FRMPD4: variants seen among roughly 807,000 people sequenced by gnomAD.
FRMPD4 encodes the protein FERM and PDZ domain-containing protein 4.
In FRMPD4, 22 loss-of-function variants were observed where a neutral mutation model predicts 94.1. The ratio of observed to expected loss-of-function variants is 0.23; its 90% CI spans 0.17 to 0.33. FRMPD4 has a LOEUF of 0.33. Among genes scored for constraint, FRMPD4 ranks in the 10% least tolerant of loss-of-function variants. The pLI is 1.00. For missense variants in FRMPD4, 1,111 were observed against 1,339.9 expected (o/e 0.83, Z 2.67); for synonymous variants, 631 against 548.6 (o/e 1.15, Z -2.10).
chrX:12,582,991 C>G (rs774514942), intron 2 of FRMPD4, among the ~76,000 whole-genome samples: 1 of 112,246 alleles, frequency 8.9e-6, no homozygotes, highest in South Asian at 3.7e-4. Context: ...CCTGCCTTCC[C>G]TCTCCCACCA....
intron 3 of FRMPD4, among the ~76,000 whole-genome samples, chrX:11,899,591 A>G (rs1201904381): frequency 8.9e-6 from 1 of 111,818 alleles, no homozygotes; most frequent in Non-Finnish European, 1.9e-5. Context: ...TCATTTTTAT[A>G]AGGAGTTTTG....
intron 1 of FRMPD4, among the ~76,000 whole-genome samples, chrX:12,197,463 A>C (rs1205121628): frequency 1.8e-5 from 2 of 111,833 alleles, no homozygotes; most frequent in Non-Finnish European, 3.8e-5. Context: ...ATTTCTTAAT[A>C]GAAACTGGAA....
At chrX:12,110,524 C>T (rs1159622378) in intron 3 of FRMPD4, among the ~76,000 whole-genome samples, 1 of 111,547 alleles carries the variant, frequency 9.0e-6, no homozygotes, top group East Asian at 2.8e-4. Context: ...CAGGGATGCC[C>T]TCTCTCACCA....
chrX:11,839,631 G>GT (rs1009173929), intron 1 of FRMPD4, among the ~76,000 whole-genome samples: 6 of 111,390 alleles, frequency 5.4e-5, no homozygotes, highest in African/African-American at 9.7e-5. Flanking sequence ...GTCATGAAGA[G>GT]TTTTTTCTGT....
intron 3 of FRMPD4, among the ~76,000 whole-genome samples, chrX:11,976,593 T>C (rs1027871215): frequency 8.9e-6 from 1 of 112,558 alleles, no homozygotes; most frequent in Non-Finnish European, 1.9e-5. Context: ...AATGTGTTAA[T>C]TACAATTGTT....
chrX:12,644,075 T>A (rs2059525031), intron 4 of FRMPD4, among the ~76,000 whole-genome samples: 1 of 111,287 alleles, frequency 9.0e-6, no homozygotes. Flanking sequence ...TCTTTTTTTT[T>A]TCTTTTTTCT....
intron 2 of FRMPD4, among the ~76,000 whole-genome samples, chrX:12,590,074 G>T (rs2058967852): frequency 8.9e-6 from 1 of 112,363 alleles, no homozygotes; most frequent in African/African-American, 3.2e-5. Flanking sequence ...TTATTTATCT[G>T]CTTTAACTTT....
In FRMPD4 at chrX:12,633,966, TAGAC is replaced by T. The variant is rs534550706; in HGVS notation, c.422+19089_422+19092del. Among the ~76,000 whole-genome samples the T allele has an allele frequency of 2.3e-4, 26 of 112,732 alleles. No homozygotes were observed. In the South Asian group the frequency reaches 9.5e-3, roughly 41 times the overall value. ...CATTTCTTCTATGTGGTACATATGTTAGACAGAAAGGTACAAAAAATTTATAAAT... is the reference window on the plus strand; with the variant it reads ...CATTTCTTCTATGTGGTACATATGTTAGAAAGGTACAAAAAATTTATAAAT... On this transcript the variant is annotated intron_variant, in intron 4 of 16. Transcript: ENST00000675598.
At chrX:12,360,149 C>T (rs936302323) in intron 1 of FRMPD4, among the ~76,000 whole-genome samples, 1 of 112,525 alleles carries the variant, frequency 8.9e-6, no homozygotes, top group African/African-American at 3.2e-5. Flanking sequence ...CAGGTACATA[C>T]TGTACATACT....
intron 1 of FRMPD4, among the ~76,000 whole-genome samples, chrX:12,257,910 C>T (rs926143151): frequency 1.8e-5 from 2 of 109,652 alleles, no homozygotes; most frequent in Admixed American, 9.8e-5. Context: ...ACCTTCTTCG[C>T]GGTGTCGTGC....
At chrX:11,828,740 GT>G (rs58015542) in intron 1 of FRMPD4, among the ~76,000 whole-genome samples, 1 of 111,649 alleles carries the variant, frequency 9.0e-6, no homozygotes, top group Non-Finnish European at 1.9e-5. Context: ...CAAGGTCGCA[GT>G]TTTTTTTCAC....
intron 2 of FRMPD4, among the ~76,000 whole-genome samples, chrX:12,557,492 C>T (rs897962883): frequency 3.6e-5 from 4 of 112,292 alleles, no homozygotes; most frequent in African/African-American, 6.5e-5. Flanking sequence ...CTTGTATTTC[C>T]AGCTTTTCTG....
At chrX:12,260,086 GGCAC>G (rs1171497982) in intron 1 of FRMPD4, among the ~76,000 whole-genome samples, 2 of 110,545 alleles carry the variant, frequency 1.8e-5, no homozygotes, top group Non-Finnish European at 3.8e-5. Flanking sequence ...TCTTCTCTTT[GGCAC>G]ATCTTGGATT....
At chrX:11,967,540 C>A (rs1216953623) in intron 3 of FRMPD4, among the ~76,000 whole-genome samples, 2 of 111,722 alleles carry the variant, frequency 1.8e-5, no homozygotes, top group African/African-American at 3.3e-5. Flanking sequence ...TTGTAAATTT[C>A]TGGTGCCTTG....
chrX:12,683,333 A>T, intron 5 of FRMPD4, 150 bp from the exon 6 acceptor site: 2 of 393,331 alleles, frequency 5.1e-6, no homozygotes, highest in South Asian at 9.1e-5. Flanking sequence ...TTTTGACTGC[A>T]TCTATAATTT....
At chrX:12,677,223 C>T in intron 5 of FRMPD4, among the ~76,000 whole-genome samples, 2 of 110,905 alleles carry the variant, frequency 1.8e-5, no homozygotes, top group South Asian at 7.7e-4. Context: ...CCAAACATTA[C>T]CAAATGTCCC....
intron 2 of FRMPD4, among the ~76,000 whole-genome samples, chrX:12,569,852 T>C (rs1043865363): frequency 8.9e-6 from 1 of 112,035 alleles, no homozygotes; most frequent in Non-Finnish European, 1.9e-5. Context: ...GTACTTGGTA[T>C]AGCATTAGTG....
At chrX:11,875,723 A>G (rs1486526952) in intron 2 of FRMPD4, among the ~76,000 whole-genome samples, 2 of 110,358 alleles carry the variant, frequency 1.8e-5, no homozygotes, top group Non-Finnish European at 3.8e-5. Flanking sequence ...TTTGCGGCAC[A>G]CTCAATACCC....
chrX:12,683,488 C>T lies in FRMPD4; in HGVS notation c.474C>T (p.Pro158=), dbSNP rs147360584. 11 of 1,094,648 alleles carry T rather than the reference C, an allele frequency of 1.0e-5. No individual in the cohort carries two copies. The East Asian group carries it at 3.0e-4, about 30-fold the overall frequency. The allele number at this position is 1,094,648 out of a possible 1,213,427, so 90.2% of individuals were successfully genotyped here. The change falls in exon 6 of 17, where the codon CCC becomes CCT. Residue 158 remains proline, a synonymous_variant. Coordinates refer to ENST00000675598, the MANE Select transcript of FRMPD4 (RefSeq NM_001368397.1). The part of the protein sequence containing the change: ...LLTVIQPYPS[P]KSAFISAAKK... ...AATGTTTTCTTTTCTTCTAGTCTCC[C>T]AAATCAGCATTTATTAGTGCTGCAA...
Sources: allele counts gnomAD v4.1 joint callset (sites outside exome capture counted in the v4.1 genomes callset), GRCh38; gene constraint gnomAD v4.1.1; transcripts MANE v1.5; gene names NCBI Gene and HGNC (gene_info 2026-07-23, HGNC 2026-07-21).